Variants in FNIP1 observed in about 807,000 individuals in gnomAD.
FNIP1 encodes the protein folliculin-interacting protein 1.
A neutral mutation model predicts 124.5 loss-of-function variants in FNIP1; 40 were observed. The observed-to-expected ratio is 0.32, with a 90% confidence interval of 0.25 to 0.42. The LOEUF is 0.42. Among genes scored for constraint, FNIP1 ranks in the 10% least tolerant of loss-of-function variants. FNIP1 has a pLI of 1.00. For synonymous variants in FNIP1, 472 were observed against 470.6 expected (o/e 1.00, Z -0.04); for missense variants, 1,176 against 1,403.7 (o/e 0.84, Z 2.59).
At chr5:131,785,104 TATATATATC>T (rs1298902140) in intron 1 of FNIP1, among the ~76,000 whole-genome samples, 214 of 14,044 alleles carry the variant, frequency 0.015, 9 homozygotes, top group Middle Eastern at 0.059. Flanking sequence ...TATATGACTA[TATATATATC>T]ATATATATGA....
At chr5:131,747,095 T>C (rs1770709605) in intron 1 of FNIP1, among the ~76,000 whole-genome samples, 3 of 152,226 alleles carry the variant, frequency 2.0e-5, no homozygotes, top group Admixed American at 6.5e-5. Flanking sequence ...TGTCTGTTCA[T>C]ATATTTTGCC....
chr5:131,655,315 C>G (rs1767159511), intron 15 of FNIP1, among the ~76,000 whole-genome samples: 1 of 152,016 alleles, frequency 6.6e-6, no homozygotes, highest in Non-Finnish European at 1.5e-5. Context: ...GAGAGACTAA[C>G]CTGAGCAACA....
intron 1 of FNIP1, among the ~76,000 whole-genome samples, chr5:131,768,726 G>C (rs1363969182): frequency 6.6e-6 from 1 of 152,172 alleles, no homozygotes; most frequent in Admixed American, 6.5e-5. Flanking sequence ...TTGAACCCGG[G>C]AGGCTGAGGT....
chr5:131,750,619 T>TA (rs1477186140), intron 1 of FNIP1, among the ~76,000 whole-genome samples: 1 of 150,460 alleles, frequency 6.6e-6, no homozygotes, highest in African/African-American at 2.4e-5. Context: ...CTTCTTTCTT[T>TA]TTTTTTTTTT....
At chr5:131,653,830 C>T (rs2149505396) in intron 15 of FNIP1, among the ~76,000 whole-genome samples, 1 of 152,302 alleles carries the variant, frequency 6.6e-6, no homozygotes, top group African/African-American at 2.4e-5. Context: ...CAACCTCCAC[C>T]TCCCGGGTTC....
chr5:131,674,319 A>G (rs1384334171), intron 13 of FNIP1, among the ~76,000 whole-genome samples: 2 of 152,208 alleles, frequency 1.3e-5, no homozygotes, highest in Admixed American at 6.5e-5. Flanking sequence ...ATGACTAGCC[A>G]TTATGTTAAA....
chr5:131,724,159 G>A (rs1769774056), intron 3 of FNIP1, among the ~76,000 whole-genome samples: 1 of 152,090 alleles, frequency 6.6e-6, no homozygotes, highest in Admixed American at 6.6e-5. Flanking sequence ...GAATAGTGCT[G>A]CAATAAACAT....
intron 11 of FNIP1, among the ~76,000 whole-genome samples, chr5:131,692,354 C>T (rs1405340143): frequency 6.7e-6 from 1 of 148,498 alleles, no homozygotes; most frequent in Non-Finnish European, 1.5e-5. Flanking sequence ...AGAAAATATA[C>T]ACAGGGTCTA....
At chr5:131,738,465 C>T (rs1770392968) in intron 2 of FNIP1, among the ~76,000 whole-genome samples, 1 of 151,994 alleles carries the variant, frequency 6.6e-6, no homozygotes. Context: ...CAATCTTTTA[C>T]TTTATGGCTT....
intron 15 of FNIP1, among the ~76,000 whole-genome samples, chr5:131,669,767 A>G (rs1371301599): frequency 6.6e-6 from 1 of 152,140 alleles, no homozygotes; most frequent in Non-Finnish European, 1.5e-5. Flanking sequence ...TCCATCTAAT[A>G]AAGGGCATCA....
chr5:131,674,818 C>A (rs58366493), intron 13 of FNIP1, among the ~76,000 whole-genome samples: 3,770 of 152,228 alleles, frequency 0.025, 253 homozygotes, highest in East Asian at 0.23. Flanking sequence ...TCTATTTTTA[C>A]TTTACAAAGC....
At chr5:131,707,650 A>C (rs1462210213) in intron 8 of FNIP1, among the ~76,000 whole-genome samples, 1 of 152,214 alleles carries the variant, frequency 6.6e-6, no homozygotes, top group Non-Finnish European at 1.5e-5. Context: ...CTTGTAGTCC[A>C]AGATTGGGTA....
chr5:131,770,263 T>C (rs1771583938), intron 1 of FNIP1, among the ~76,000 whole-genome samples: 1 of 152,198 alleles, frequency 6.6e-6, no homozygotes, highest in South Asian at 2.1e-4. Flanking sequence ...ACTCTTGTGT[T>C]GAGTTCAAGT....
chr5:131,754,338 A>G lies in FNIP1; in HGVS notation c.93-9648T>C, dbSNP rs886995215. ...TGACTGAGGCAAACTTACAATCTAG[A>G]TAAGAGGTGTGCATAAGCAGGTCAG... is the stretch of plus-strand genomic sequence containing the variant. On this transcript the variant is annotated intron_variant, in intron 1 of 17. Transcript: ENST00000510461. Among the ~76,000 whole-genome samples the G allele has an allele frequency of 6.6e-5, 10 of 152,360 alleles. 1 individual carries two copies. The South Asian group carries it at 1.9e-3, about 28-fold the overall frequency.
Position 131,793,238 on chromosome 5 carries a change from TGCCCTG to T in FNIP1, c.92+3586_92+3591del, listed in dbSNP as rs555879071. 2.6e-5 allele frequency among the ~76,000 whole-genome samples: 4 copies of T among 152,304 alleles called. No individual in the cohort carries two copies. The South Asian group carries it at 8.3e-4, about 32-fold the overall frequency. On this transcript the variant is annotated intron_variant, in intron 1 of 17. Transcript: ENST00000510461. ...TGTAGAGACAGGGGTTTTGCCATGT[TGCCCTG>T]GCTGGTCTTGAACTCCTGGGCTCAA... is the stretch of plus-strand genomic sequence containing the variant.
intron 1 of FNIP1, among the ~76,000 whole-genome samples, chr5:131,754,528 T>C (rs987646566): frequency 6.6e-6 from 1 of 152,170 alleles, no homozygotes; most frequent in African/African-American, 2.4e-5. Flanking sequence ...GCCTATTGAG[T>C]AGGAAGTGAT....
chr5:131,753,765 T>C (rs1234374095), intron 1 of FNIP1, among the ~76,000 whole-genome samples: 1 of 152,152 alleles, frequency 6.6e-6, no homozygotes, highest in Admixed American at 6.5e-5. Flanking sequence ...CTAAAAAAAG[T>C]AATACTATAT....
At chr5:131,746,719 T>C (rs1770695265) in intron 1 of FNIP1, among the ~76,000 whole-genome samples, 1 of 152,252 alleles carries the variant, frequency 6.6e-6, no homozygotes, top group Non-Finnish European at 1.5e-5. Flanking sequence ...TTTGCTATTG[T>C]GAACAATGCT....
chr5:131,705,303 T>TA (rs947410238), intron 9 of FNIP1, among the ~76,000 whole-genome samples: 31 of 145,186 alleles, frequency 2.1e-4, no homozygotes, highest in African/African-American at 4.3e-4. Flanking sequence ...ACCCCATCTC[T>TA]AAAAAAAAAG....
Sources: allele counts gnomAD v4.1 joint callset (sites outside exome capture counted in the v4.1 genomes callset), GRCh38; gene constraint gnomAD v4.1.1; transcripts MANE v1.5; gene names NCBI Gene and HGNC (gene_info 2026-07-23, HGNC 2026-07-21).